CFDP1: variants seen among roughly 807,000 people sequenced by gnomAD.
The protein encoded by CFDP1 is chromatin remodeling protein CFDP1, also known as heterochromatin-stabilizing protein CFDP1.
A neutral mutation model predicts 40.1 loss-of-function variants in CFDP1; 31 were observed. The ratio of observed to expected loss-of-function variants is 0.77; its 90% CI spans 0.58 to 1.04. CFDP1 has a LOEUF of 1.04. Among genes scored for constraint, CFDP1 ranks in the 50% least tolerant of loss-of-function variants. The pLI, the probability that CFDP1 is intolerant of heterozygous loss-of-function variation, is 0.00. For synonymous variants in CFDP1, 167 were observed against 120.0 expected (o/e 1.39, Z -2.56); for missense variants, 423 against 343.4 (o/e 1.23, Z -1.83).
chr16:75,295,282 A>G (rs2078174534), intron 6 of CFDP1, among the ~76,000 whole-genome samples: 1 of 152,230 alleles, frequency 6.6e-6, no homozygotes, highest in Admixed American at 6.5e-5. Context: ...AGGGCTGGCC[A>G]GAAATGTACA....
At chr16:75,354,922 C>A (rs1477700576) in intron 5 of CFDP1, among the ~76,000 whole-genome samples, 1 of 152,098 alleles carries the variant, frequency 6.6e-6, no homozygotes, top group Admixed American at 6.6e-5. Context: ...GCAGGGACAC[C>A]TAGGAGATAT....
chr16:75,429,287 C>A (rs2079381446), intron 1 of CFDP1, among the ~76,000 whole-genome samples: 1 of 152,168 alleles, frequency 6.6e-6, no homozygotes, highest in African/African-American at 2.4e-5. Flanking sequence ...AAAATTATTT[C>A]CAACCTAGAA....
At chr16:75,419,523 G>A (rs187028271) in intron 1 of CFDP1, among the ~76,000 whole-genome samples, 1 of 152,292 alleles carries the variant, frequency 6.6e-6, no homozygotes, top group African/African-American at 2.4e-5. Flanking sequence ...TTAAGAAGCT[G>A]GGTGTGCCAG....
At chr16:75,335,603 C>A (rs1348495032) in intron 5 of CFDP1, among the ~76,000 whole-genome samples, 3 of 145,800 alleles carry the variant, frequency 2.1e-5, no homozygotes, top group African/African-American at 7.8e-5. Context: ...GTTGCCCAGG[C>A]TGGAGTGCAG....
chr16:75,309,517 T>C (rs971552729), intron 5 of CFDP1, among the ~76,000 whole-genome samples: 3 of 151,818 alleles, frequency 2.0e-5, no homozygotes, highest in Admixed American at 2.0e-4. Context: ...CTTGGAGATT[T>C]GTTTTCATCA....
At chr16:75,416,731 G>C (rs1363428093) in intron 1 of CFDP1, among the ~76,000 whole-genome samples, 1 of 152,148 alleles carries the variant, frequency 6.6e-6, no homozygotes, top group Non-Finnish European at 1.5e-5. Flanking sequence ...CTGGGTAACA[G>C]AGCAAGACCC....
At chr16:75,429,971 G>A (rs953845874) in intron 1 of CFDP1, among the ~76,000 whole-genome samples, 11 of 152,158 alleles carry the variant, frequency 7.2e-5, no homozygotes, top group African/African-American at 2.7e-4. Flanking sequence ...ATATATTTTA[G>A]GGAGGCATGA....
At chr16:75,338,839 G>C (rs1002532246) in intron 5 of CFDP1, among the ~76,000 whole-genome samples, 1 of 152,244 alleles carries the variant, frequency 6.6e-6, no homozygotes, top group East Asian at 1.9e-4. Flanking sequence ...TGCTATTTCA[G>C]AACTCTGAAT....
At chr16:75,311,736 T>C (rs2078293800) in intron 5 of CFDP1, among the ~76,000 whole-genome samples, 1 of 151,844 alleles carries the variant, frequency 6.6e-6, no homozygotes, top group Admixed American at 6.6e-5. Flanking sequence ...TTAGTATTTG[T>C]CATCTGCTTA....
At chr16:75,303,768 T>C (rs1188377860) in intron 6 of CFDP1, among the ~76,000 whole-genome samples, 1 of 152,214 alleles carries the variant, frequency 6.6e-6, no homozygotes, top group Non-Finnish European at 1.5e-5. Context: ...ACATATATTA[T>C]CTCATGAGAT....
chr16:75,375,787 T>A (rs1044485077), intron 5 of CFDP1, among the ~76,000 whole-genome samples: 1 of 103,052 alleles, frequency 9.7e-6, no homozygotes, highest in Non-Finnish European at 2.2e-5. Flanking sequence ...CGAGACTCCA[T>A]CTCAAAAAAA....
chr16:75,297,225 G>A (rs1009113073), intron 6 of CFDP1, among the ~76,000 whole-genome samples: 4 of 146,838 alleles, frequency 2.7e-5, no homozygotes, highest in Non-Finnish European at 4.5e-5. Context: ...TTGCCATGTT[G>A]GTCAGGCTGG....
Position 75,303,530 on chromosome 16 carries a change from CATT to C in CFDP1, c.809+1491_809+1493del, listed in dbSNP as rs921825392. 5.2e-5 allele frequency among the ~76,000 whole-genome samples: 7 copies of C among 133,434 alleles called. No individual in the cohort carries two copies. The South Asian group carries it at 1.6e-3, about 31-fold the overall frequency. 87.5% of individuals were successfully genotyped at this position (133,434 alleles called of 152,430 possible). On this transcript the variant is annotated intron_variant, in intron 6 of 6. Coordinates refer to ENST00000283882, the MANE Select transcript of CFDP1 (RefSeq NM_006324.3). ...CCCCCCCAATAAATCCTTTGTCTAT[CATT>C]AATAAACTGAATGAGCTGGGTGCAG...
rs1172872666 is a variant in CFDP1, at chr16:75,312,420, TC to T, written c.651-7239del. ...AACAGTGCCAGCAAAAAAAGTGCCA[TC>T]TATCAGCAAAAGGCAAAAAGAAAAG... On this transcript the variant is annotated intron_variant, in intron 5 of 6. Coordinates refer to ENST00000283882, the MANE Select transcript of CFDP1 (RefSeq NM_006324.3). Among the ~76,000 whole-genome samples the T allele has an allele frequency of 3.3e-5, 5 of 152,202 alleles. No homozygotes were observed. In the South Asian group the frequency reaches 8.3e-4, roughly 25 times the overall value.
chr16:75,316,704 T>C (rs1331913562), intron 5 of CFDP1, among the ~76,000 whole-genome samples: 1 of 151,924 alleles, frequency 6.6e-6, no homozygotes, highest in Non-Finnish European at 1.5e-5. Flanking sequence ...GCGCGGTGGC[T>C]CACGCCTGTA....
intron 1 of CFDP1, among the ~76,000 whole-genome samples, chr16:75,431,137 T>A (rs1188744675): frequency 6.6e-6 from 1 of 151,962 alleles, no homozygotes; most frequent in Non-Finnish European, 1.5e-5. Context: ...ACATGATGTT[T>A]ATTCACACTG....
intron 5 of CFDP1, among the ~76,000 whole-genome samples, chr16:75,377,900 A>G (rs2078815707): frequency 6.6e-6 from 1 of 152,192 alleles, no homozygotes; most frequent in African/African-American, 2.4e-5. Flanking sequence ...CCCTACATCT[A>G]TTTCACGCAG....
In CFDP1 at chr16:75,295,559, T is replaced by C. The variant is rs148278779; in HGVS notation, c.810-1517A>G. On this transcript the variant is annotated intron_variant, in intron 6 of 6. Transcript: ENST00000283882. The stretch of plus-strand genomic sequence containing the variant: ...GCTTCCAACAGGCTCCCAAGGACAG[T>C]AGATGGCCCAAGTCTGGACTTATGG... Among the ~76,000 whole-genome samples, 3 of 152,286 alleles carry C rather than the reference T, an allele frequency of 2.0e-5. No homozygotes were observed. The East Asian group carries it at 5.8e-4, about 29-fold the overall frequency.
chr16:75,394,633 A>G (rs2078980718), intron 5 of CFDP1: 1 of 150,886 alleles, frequency 6.6e-6, no homozygotes, highest in Non-Finnish European at 1.5e-5. Context: ...GCAACAAATA[A>G]GAAAGCTACA....
Sources: gnomAD v4.1 joint callset for allele counts (sites outside exome capture counted in the v4.1 genomes callset) on GRCh38, gnomAD v4.1.1 for gene constraint, MANE v1.5 for transcripts, NCBI Gene and HGNC (gene_info 2026-07-23, HGNC 2026-07-21) for gene names.